ANKS1B: variants seen among roughly 807,000 people sequenced by gnomAD.
The protein encoded by ANKS1B is ankyrin repeat and sterile alpha motif domain containing 1B, also known as ankyrin repeat and sterile alpha motif domain-containing protein 1B.
Under a neutral mutation model 148.3 loss-of-function variants are expected in ANKS1B, and 36 were observed. The ratio of observed to expected loss-of-function variants is 0.24; its 90% CI spans 0.19 to 0.32. ANKS1B has a LOEUF of 0.32. Ranked by LOEUF, ANKS1B falls within the 10% of genes least tolerant of loss-of-function variation. The pLI is 1.00. For missense variants in ANKS1B, 1,157 were observed against 1,542.6 expected (o/e 0.75, Z 4.19); for synonymous variants, 542 against 560.8 (o/e 0.97, Z 0.47).
intron 17 of ANKS1B, among the ~76,000 whole-genome samples, chr12:98,867,911 G>A (rs759332839): frequency 1.3e-5 from 2 of 151,410 alleles, no homozygotes; most frequent in African/African-American, 4.9e-5. Context: ...ATACTACTTC[G>A]TAAAGCTTCT....
At chr12:98,876,948 C>T (rs1239792774) in intron 17 of ANKS1B, among the ~76,000 whole-genome samples, 2 of 152,148 alleles carry the variant, frequency 1.3e-5, no homozygotes. Flanking sequence ...TCTATTTTCA[C>T]TGTGAGTTTA....
At chr12:99,066,357 G>T (rs2153574889) in intron 16 of ANKS1B, among the ~76,000 whole-genome samples, 1 of 152,218 alleles carries the variant, frequency 6.6e-6, no homozygotes, top group South Asian at 2.1e-4. Context: ...ACGGTGGATT[G>T]GCTGTGTTGA....
intron 14 of ANKS1B, among the ~76,000 whole-genome samples, chr12:99,176,460 C>T (rs1372705002): frequency 6.6e-6 from 1 of 152,128 alleles, no homozygotes; most frequent in Non-Finnish European, 1.5e-5. Context: ...TCATGATCAC[C>T]TTGATTCAGA....
At chr12:99,607,142 G>T (rs1318164923) in intron 9 of ANKS1B, among the ~76,000 whole-genome samples, 2 of 152,078 alleles carry the variant, frequency 1.3e-5, no homozygotes, top group East Asian at 3.9e-4. Flanking sequence ...CCTCCCCTGT[G>T]GTTGACTGGC....
intron 12 of ANKS1B, among the ~76,000 whole-genome samples, chr12:99,295,115 G>C (rs2080687711): frequency 6.6e-6 from 1 of 152,126 alleles, no homozygotes; most frequent in South Asian, 2.1e-4. Context: ...GAGTCATGTG[G>C]TAGGTAGATG....
intron 1 of ANKS1B, among the ~76,000 whole-genome samples, chr12:99,931,963 A>G (rs1424413580): frequency 4.6e-5 from 7 of 151,980 alleles, no homozygotes; most frequent in Non-Finnish European, 1.0e-4. Flanking sequence ...CTACTCTCTT[A>G]TATTCATGAG....
chr12:99,564,062 T>C (rs991716905), intron 9 of ANKS1B, among the ~76,000 whole-genome samples: 3 of 152,186 alleles, frequency 2.0e-5, no homozygotes, highest in African/African-American at 7.2e-5. Context: ...GATGAAAATT[T>C]GGATTGTACT....
At chr12:99,069,431 T>C (rs891487831) in intron 16 of ANKS1B, among the ~76,000 whole-genome samples, 1 of 152,226 alleles carries the variant, frequency 6.6e-6, no homozygotes, top group Admixed American at 6.5e-5. Context: ...ATTTACCTCT[T>C]AGTATTTAGA....
intron 19 of ANKS1B, among the ~76,000 whole-genome samples, chr12:98,821,094 C>T (rs1222557136): frequency 7.2e-5 from 11 of 152,198 alleles, no homozygotes; most frequent in Non-Finnish European, 1.5e-4. Context: ...ATTAACCTCA[C>T]TCTAGGAAGA....
At chr12:99,065,629 T>TC (rs1403813530) in intron 16 of ANKS1B, among the ~76,000 whole-genome samples, 2 of 127,730 alleles carry the variant, frequency 1.6e-5, no homozygotes, top group Admixed American at 9.0e-5. Context: ...CATCCATCCA[T>TC]CCATCCATCC....
intron 1 of ANKS1B, among the ~76,000 whole-genome samples, chr12:99,837,922 C>T (rs555834581): frequency 4.7e-5 from 7 of 148,734 alleles, no homozygotes; most frequent in Admixed American, 1.3e-4. Context: ...AATCCCTCAC[C>T]GCCCAACCCC....
chr12:98,934,025 AT>A (rs2099816205), intron 17 of ANKS1B, among the ~76,000 whole-genome samples: 1 of 151,880 alleles, frequency 6.6e-6, no homozygotes, highest in African/African-American at 2.4e-5. Flanking sequence ...AGTCCTACTT[AT>A]TTTTGTTTTT....
chr12:99,505,500 T>C (rs1209659358), intron 9 of ANKS1B, among the ~76,000 whole-genome samples: 2 of 151,740 alleles, frequency 1.3e-5, no homozygotes, highest in Non-Finnish European at 2.9e-5. Flanking sequence ...GATTCTTTGA[T>C]ATATTCTAAA....
At chr12:99,350,086 C>T (rs565808134) in intron 12 of ANKS1B, among the ~76,000 whole-genome samples, 213 of 152,026 alleles carry the variant, frequency 1.4e-3, no homozygotes, top group African/African-American at 4.7e-3. Context: ...TTGATCATGG[C>T]GCAGATCTCC....
At chr12:99,567,430 C>T (rs2097407167) in intron 9 of ANKS1B, among the ~76,000 whole-genome samples, 1 of 152,094 alleles carries the variant, frequency 6.6e-6, no homozygotes, top group Non-Finnish European at 1.5e-5. Context: ...AGAGTTCTCA[C>T]TCCCCCATCA....
chr12:99,449,309 A>G (rs1489395009), intron 10 of ANKS1B, among the ~76,000 whole-genome samples: 2 of 152,124 alleles, frequency 1.3e-5, no homozygotes, highest in African/African-American at 4.8e-5. Flanking sequence ...TAGTTTCATC[A>G]TCAATTCTGT....
At chr12:98,807,799 C>T (rs905728584) in intron 20 of ANKS1B, 45 bp downstream of exon 20, 1 of 1,555,878 alleles carries the variant, frequency 6.4e-7, no homozygotes, top group Non-Finnish European at 8.8e-7. Flanking sequence ...CAACACAGTA[C>T]ATAGCGCAAG....
intron 17 of ANKS1B, among the ~76,000 whole-genome samples, chr12:99,013,355 A>G (rs1434676060): frequency 6.6e-6 from 1 of 151,488 alleles, no homozygotes; most frequent in African/African-American, 2.4e-5. Flanking sequence ...CTCCTATTCA[A>G]CATAATATGG....
chr12:98,975,915 T>C (rs1424206321), intron 17 of ANKS1B, among the ~76,000 whole-genome samples: 2 of 152,200 alleles, frequency 1.3e-5, no homozygotes, highest in Non-Finnish European at 2.9e-5. Flanking sequence ...ATGGACTGAA[T>C]GATAGGGCGG....
Sources: allele counts gnomAD v4.1 joint callset (sites outside exome capture counted in the v4.1 genomes callset), GRCh38; gene constraint gnomAD v4.1.1; transcripts MANE v1.5; gene names NCBI Gene and HGNC (gene_info 2026-07-23, HGNC 2026-07-21).